MDFIC: variants seen among roughly 807,000 people sequenced by gnomAD.
The protein encoded by MDFIC is MyoD family inhibitor domain containing, also known as myoD family inhibitor domain-containing protein.
Under a neutral mutation model 23.2 loss-of-function variants are expected in MDFIC, and 17 were observed. That is an observed-to-expected ratio of 0.73 (90% CI 0.50 to 1.10). The LOEUF is 1.10. Ranked by LOEUF, MDFIC falls within the 50% of genes least tolerant of loss-of-function variation. The probability of loss-of-function intolerance (pLI) is 0.00; values close to 1 mark genes in which losing one functional copy is unlikely to be tolerated. For synonymous variants in MDFIC, 120 were observed against 115.2 expected, an observed-to-expected ratio of 1.04 and a Z score of -0.27; for missense variants, 356 against 316.6, an observed-to-expected ratio of 1.12 and a Z score of -0.95.
intron 3 of MDFIC, among the ~76,000 whole-genome samples, chr7:114,949,620 A>G (rs547568556): frequency 6.6e-6 from 1 of 152,336 alleles, no homozygotes; most frequent in South Asian, 2.1e-4. Context: ...GAATGCTTAC[A>G]GTTTACCAAC....
chr7:114,963,698 G>A (rs1436542679), intron 3 of MDFIC, among the ~76,000 whole-genome samples: 1 of 152,098 alleles, frequency 6.6e-6, no homozygotes, highest in East Asian at 1.9e-4. Context: ...GCCTCAGCTG[G>A]TACTCCTAAG....
At chr7:114,951,503 A>T (rs558937914) in intron 3 of MDFIC, among the ~76,000 whole-genome samples, 1 of 152,320 alleles carries the variant, frequency 6.6e-6, no homozygotes, top group Admixed American at 6.5e-5. Flanking sequence ...TGAAGGAAAG[A>T]TTAATATCAA....
intron 3 of MDFIC, among the ~76,000 whole-genome samples, chr7:114,978,937 CTTGT>C (rs1236238191): frequency 7.9e-5 from 12 of 151,996 alleles, no homozygotes; most frequent in African/African-American, 2.2e-4. Context: ...TTTTTCATAA[CTTGT>C]TTATTTAAAA....
At chr7:114,995,183 A>G (rs1320062010) in intron 4 of MDFIC, among the ~76,000 whole-genome samples, 1 of 152,186 alleles carries the variant, frequency 6.6e-6, no homozygotes, top group Non-Finnish European at 1.5e-5. Context: ...CTTGTGCCAC[A>G]GTATTCAGCT....
chr7:114,954,196 G>A (rs1296527362), intron 3 of MDFIC, among the ~76,000 whole-genome samples: 2 of 152,142 alleles, frequency 1.3e-5, no homozygotes, highest in African/African-American at 4.8e-5. Context: ...CCATTCTAAG[G>A]TTTTGAAACC....
At chr7:114,973,069 G>T (rs965812548) in intron 3 of MDFIC, among the ~76,000 whole-genome samples, 1 of 149,058 alleles carries the variant, frequency 6.7e-6, no homozygotes, top group Non-Finnish European at 1.5e-5. Context: ...AAGTCATTTG[G>T]GCTAAAGGCA....
chr7:114,992,310 C>G (rs1262196608), intron 4 of MDFIC, among the ~76,000 whole-genome samples: 1 of 152,202 alleles, frequency 6.6e-6, no homozygotes, highest in African/African-American at 2.4e-5. Flanking sequence ...GACAATTTGA[C>G]TTCCTCTTTT....
At chr7:114,944,147 G>T (rs1792601540) in intron 3 of MDFIC, among the ~76,000 whole-genome samples, 1 of 152,090 alleles carries the variant, frequency 6.6e-6, no homozygotes, top group Admixed American at 6.6e-5. Flanking sequence ...AGATAATGAC[G>T]TACCCTGTGC....
In MDFIC at chr7:115,016,685, T is replaced by TAAATAAATAAACAAAC. The variant is rs533665524; in HGVS notation, c.*753_*754insTAAATAAACAAACAAA. 3.8e-5 allele frequency: 6 copies of TAAATAAATAAACAAAC among 155,916 alleles called. No individual in the cohort carries two copies. The South Asian group carries it at 6.1e-4, about 16-fold the overall frequency. 9.7% of individuals were successfully genotyped at this position (155,916 alleles called of 1,614,324 possible). A position where few individuals can be genotyped will look rare whatever the true frequency, so the allele number is the denominator to read the frequency against. ...ATAAATAAATAAATAAATAAATAAATAAACAAACCAGTCTTTATTTTAAAA... is the reference window on the plus strand; with the variant it reads ...ATAAATAAATAAATAAATAAATAAATAAATAAATAAACAAACAAACAAACCAGTCTTTATTTTAAAA... On this transcript the variant is annotated 3_prime_UTR_variant, in exon 5 of 5. Transcript: ENST00000393486.
chr7:114,988,791 G>C (rs1793555456), intron 4 of MDFIC, among the ~76,000 whole-genome samples: 2 of 152,156 alleles, frequency 1.3e-5, no homozygotes, highest in South Asian at 4.1e-4. Flanking sequence ...TATACAAATG[G>C]AGCTGGAGAG....
At chr7:115,015,600 G>T (rs779980555) in intron 4 of MDFIC, 88 bp from the exon 5 acceptor site, 26 of 1,497,832 alleles carry the variant, frequency 1.7e-5, no homozygotes, top group Non-Finnish European at 2.3e-5. Flanking sequence ...TAACTATTTT[G>T]CTCAATTCTT....
At chr7:114,986,546 G>T (rs754249491) in intron 4 of MDFIC, among the ~76,000 whole-genome samples, 3 of 152,064 alleles carry the variant, frequency 2.0e-5, no homozygotes, top group South Asian at 4.1e-4. Flanking sequence ...TTCACCATCT[G>T]CAAACTCCAG....
intron 2 of MDFIC, among the ~76,000 whole-genome samples, chr7:114,928,400 G>T (rs1390051801): frequency 2.0e-5 from 3 of 152,170 alleles, no homozygotes. Flanking sequence ...CACAAAGAAA[G>T]TGTGATGGCA....
rs754176828 is a variant in MDFIC, at chr7:114,942,212, T to C, written c.95-63T>C. 5.4e-5 allele frequency: 58 copies of C among 1,072,902 alleles called. 1 individual carries two copies. The highest frequency in any genetic ancestry group is 6.7e-5 in the Non-Finnish European group (53 of 785,340). 66.5% of individuals were successfully genotyped at this position (1,072,902 alleles called of 1,614,324 possible). A position where few individuals can be genotyped will look rare whatever the true frequency, so the allele number is the denominator to read the frequency against. On this transcript the variant is annotated intron_variant, in intron 2 of 4. Coordinates refer to ENST00000393486, the MANE Select transcript of MDFIC (RefSeq NM_001166345.3). ...TTGGAAGCATTTAGAAAAATGTATA[T>C]ACTAAAAAAGGAGAGAAAAATATAT...
Position 115,016,167 on chromosome 7 carries a change from C to G in MDFIC, c.*232C>G, listed in dbSNP as rs939609096. The G allele has an allele frequency of 8.9e-6, 4 of 451,462 alleles. No individual in the cohort carries two copies. Among genetic ancestry groups the G allele is most frequent in the African/African-American group, 2.0e-5 (1 of 50,154 alleles). 28.0% of individuals were successfully genotyped at this position (451,462 alleles called of 1,614,324 possible). ...TAAATTTCTTAATATGTTACAATAACTTAGGGACATTTTGACACCCCCCTT... is the reference window on the plus strand; with the variant it reads ...TAAATTTCTTAATATGTTACAATAAGTTAGGGACATTTTGACACCCCCCTT... On this transcript the variant is annotated 3_prime_UTR_variant, in exon 5 of 5. Transcript: ENST00000393486.
rs764512112 is a variant in MDFIC at position 114,922,570 on chromosome 7, T to C, written c.-174T>C. ...CGGCCGCTGCCGGAGGCTCGCTAAC[T>C]TTCCGGGGCGGAAGAGGAGGAGGAG... On this transcript the variant is annotated 5_prime_UTR_variant, in exon 1 of 5. Transcript: ENST00000393486. 1.6e-6 allele frequency: 2 copies of C among 1,268,882 alleles called. No homozygotes were observed. 78.6% of individuals were successfully genotyped at this position (1,268,882 alleles called of 1,614,324 possible).
At chr7:115,007,316 A>C (rs1791588478) in intron 4 of MDFIC, among the ~76,000 whole-genome samples, 1 of 152,170 alleles carries the variant, frequency 6.6e-6, no homozygotes, top group African/African-American at 2.4e-5. Context: ...TCCTTTATTA[A>C]GTACTTAATG....
Position 114,922,337 on chromosome 7 carries a change from G to C in MDFIC, c.-407G>C. On this transcript the variant is annotated 5_prime_UTR_variant, in exon 1 of 5. Coordinates refer to ENST00000393486, the MANE Select transcript of MDFIC (RefSeq NM_001166345.3). ...GTTTCAGGATTGTAGGAGTGGAAGA[G>C]GGGAAAGAGAGGCAGAGAGGGGGAA... is the stretch of plus-strand genomic sequence containing the variant. 1 of 1,099,658 alleles carries C rather than the reference G, an allele frequency of 9.1e-7. No individual in the cohort carries two copies. Among genetic ancestry groups the C allele is most frequent in the Non-Finnish European group, 1.2e-6 (1 of 867,354 alleles). 68.1% of individuals were successfully genotyped at this position (1,099,658 alleles called of 1,614,324 possible). A position where few individuals can be genotyped will look rare whatever the true frequency, so the allele number is the denominator to read the frequency against.
chr7:114,983,813 C>T (rs765985925), intron 4 of MDFIC, among the ~76,000 whole-genome samples: 42 of 151,860 alleles, frequency 2.8e-4, no homozygotes, highest in Non-Finnish European at 5.2e-4. Context: ...TCAGGTGATC[C>T]GCCCACCTCG....
Sources: allele counts gnomAD v4.1 joint callset (sites outside exome capture counted in the v4.1 genomes callset), GRCh38; gene constraint gnomAD v4.1.1; transcripts MANE v1.5; gene names NCBI Gene and HGNC (gene_info 2026-07-23, HGNC 2026-07-21).